CSMD3: variants seen among roughly 807,000 people sequenced by gnomAD.
CSMD3 encodes the protein CUB and sushi domain-containing protein 3.
Under a neutral mutation model 435.2 loss-of-function variants are expected in CSMD3, and 177 were observed. The observed-to-expected ratio is 0.41, with a 90% confidence interval of 0.36 to 0.46. The LOEUF (loss-of-function observed/expected upper bound fraction) is 0.46. Among genes scored for constraint, CSMD3 ranks in the 20% least tolerant of loss-of-function variants. CSMD3 has a pLI of 0.34. For missense variants in CSMD3, 4,265 were observed against 4,504.6 expected (o/e 0.95, Z 1.52); for synonymous variants, 1,656 against 1,520.5 (o/e 1.09, Z -2.07).
At chr8:112,614,179 G>A (rs959296146) in intron 22 of CSMD3, among the ~76,000 whole-genome samples, 2 of 152,098 alleles carry the variant, frequency 1.3e-5, no homozygotes, top group Non-Finnish European at 2.9e-5. Context: ...TACAGGGCAG[G>A]AGGATGTGCT....
At chr8:113,317,636 G>A (rs951913893) in intron 1 of CSMD3, among the ~76,000 whole-genome samples, 1 of 152,174 alleles carries the variant, frequency 6.6e-6, no homozygotes, top group East Asian at 1.9e-4. Flanking sequence ...CCAGAAAGGA[G>A]TTTTAAATAT....
At chr8:112,697,153 G>C (rs575975332) in intron 13 of CSMD3, among the ~76,000 whole-genome samples, 1 of 152,242 alleles carries the variant, frequency 6.6e-6, no homozygotes, top group African/African-American at 2.4e-5. Context: ...TTCAACCATT[G>C]TGGAAGACAG....
intron 1 of CSMD3, among the ~76,000 whole-genome samples, chr8:113,388,520 C>T (rs2094448743): frequency 6.6e-6 from 1 of 151,494 alleles, no homozygotes; most frequent in Non-Finnish European, 1.5e-5. Context: ...TTGAATTTGA[C>T]CAACATCTTT....
intron 24 of CSMD3, among the ~76,000 whole-genome samples, chr8:112,571,476 G>A (rs1469882038): frequency 5.3e-5 from 8 of 151,804 alleles, no homozygotes; most frequent in African/African-American, 1.9e-4. Context: ...CCCTACAATG[G>A]CTACTATTTT....
At chr8:113,387,015 G>C (rs1012203802) in intron 1 of CSMD3, among the ~76,000 whole-genome samples, 1 of 151,662 alleles carries the variant, frequency 6.6e-6, no homozygotes, top group Non-Finnish European at 1.5e-5. Context: ...TGATCTTTTT[G>C]AGCAAGAAAG....
intron 13 of CSMD3, among the ~76,000 whole-genome samples, chr8:112,734,705 A>C (rs931149528): frequency 3.9e-5 from 6 of 151,902 alleles, no homozygotes; most frequent in African/African-American, 1.4e-4. Flanking sequence ...AATTCCACTG[A>C]TTTTTTGCTT....
intron 1 of CSMD3, among the ~76,000 whole-genome samples, chr8:113,380,354 A>G (rs1489708326): frequency 6.6e-6 from 1 of 152,222 alleles, no homozygotes; most frequent in East Asian, 1.9e-4. Context: ...GAATAAAACA[A>G]TAGTCGAAAA....
intron 13 of CSMD3, among the ~76,000 whole-genome samples, chr8:112,701,617 TCTA>T (rs2076390536): frequency 6.6e-6 from 1 of 152,134 alleles, no homozygotes; most frequent in Non-Finnish European, 1.5e-5. Context: ...TTTTTTTGTC[TCTA>T]CTCCTTTGGC....
intron 59 of CSMD3, among the ~76,000 whole-genome samples, chr8:112,278,432 A>C (rs1349260242): frequency 6.6e-6 from 1 of 152,266 alleles, no homozygotes; most frequent in East Asian, 1.9e-4. Flanking sequence ...TCCTTCCCAA[A>C]GTGATTCTGA....
intron 47 of CSMD3, among the ~76,000 whole-genome samples, chr8:112,317,007 T>G (rs1159663861): frequency 6.6e-6 from 1 of 152,012 alleles, no homozygotes; most frequent in Non-Finnish European, 1.5e-5. Context: ...AGCAAGCTTG[T>G]GTAATAAACT....
At chr8:112,417,637 G>T (rs10107134) in intron 32 of CSMD3, among the ~76,000 whole-genome samples, 34,444 of 151,972 alleles carry the variant, frequency 0.23, 4,263 homozygotes, top group East Asian at 0.44. Flanking sequence ...AGCTTAGTTT[G>T]TCTTAAGACT....
chr8:112,403,014 G>C (rs1026828489), intron 35 of CSMD3, among the ~76,000 whole-genome samples: 3 of 152,128 alleles, frequency 2.0e-5, no homozygotes, highest in Non-Finnish European at 2.9e-5. Flanking sequence ...CTAAGGGGAG[G>C]ATCTCTCTGC....
chr8:112,585,770 A>T (rs1174055168), intron 23 of CSMD3, among the ~76,000 whole-genome samples: 4 of 151,654 alleles, frequency 2.6e-5, no homozygotes, highest in African/African-American at 9.7e-5. Flanking sequence ...AGTAGTAGCT[A>T]GATTAGCTTA....
intron 35 of CSMD3, among the ~76,000 whole-genome samples, chr8:112,405,442 C>T (rs1282583122): frequency 6.7e-6 from 1 of 150,374 alleles, no homozygotes; most frequent in East Asian, 1.9e-4. Flanking sequence ...AGAGTAATTT[C>T]CCTACTTTCT....
At chr8:112,422,612 T>C (rs1053202730) in intron 32 of CSMD3, among the ~76,000 whole-genome samples, 5 of 152,150 alleles carry the variant, frequency 3.3e-5, no homozygotes, top group Non-Finnish European at 4.4e-5. Flanking sequence ...TGCAAAATAA[T>C]ACCCACTCCT....
intron 22 of CSMD3, among the ~76,000 whole-genome samples, chr8:112,601,296 A>G (rs1262802517): frequency 6.6e-6 from 1 of 152,128 alleles, no homozygotes; most frequent in African/African-American, 2.4e-5. Context: ...CCGGTGAAGT[A>G]ACCCTGTGTT....
intron 2 of CSMD3, among the ~76,000 whole-genome samples, chr8:113,292,461 G>A (rs934063758): frequency 6.6e-6 from 1 of 151,714 alleles, no homozygotes; most frequent in Non-Finnish European, 1.5e-5. Context: ...ATGTACTGAT[G>A]TGCATATTTG....
At chr8:112,643,131 G>A (rs1340216060) in intron 20 of CSMD3, among the ~76,000 whole-genome samples, 1 of 152,114 alleles carries the variant, frequency 6.6e-6, no homozygotes, top group Non-Finnish European at 1.5e-5. Flanking sequence ...GAGTTGATGT[G>A]TTTGAGGAGC....
In CSMD3 at chr8:112,768,623, C is replaced by T. The variant is rs185947392; in HGVS notation, c.1972+31539G>A. On this transcript the variant is annotated intron_variant, in intron 13 of 70. Transcript: ENST00000297405. ...TCATTGTCTCCTGGTGGACTGCTCACGTACAGCTTGTAGAACAGTACTTTG... is the reference window on the plus strand; with the variant it reads ...TCATTGTCTCCTGGTGGACTGCTCATGTACAGCTTGTAGAACAGTACTTTG... 3.3e-3 allele frequency among the ~76,000 whole-genome samples: 506 copies of T among 151,972 alleles called. 4 individuals are homozygous for T. The highest frequency in any genetic ancestry group is 0.011 in the African/African-American group (440 of 41,512).
Sources: gnomAD v4.1 joint callset for allele counts (sites outside exome capture counted in the v4.1 genomes callset) on GRCh38, gnomAD v4.1.1 for gene constraint, MANE v1.5 for transcripts, NCBI Gene and HGNC (gene_info 2026-07-23, HGNC 2026-07-21) for gene names.